The following LARP6 variants were observed in gnomAD, a reference collection of about 807,000 sequenced individuals.
LARP6 encodes the protein La ribonucleoprotein 6, translational regulator.
LARP6 carries 18 observed loss-of-function variants against 32.8 expected under a neutral mutation model. That is an observed-to-expected ratio of 0.55 (90% CI 0.38 to 0.81). The LOEUF is 0.81. Among genes scored for constraint, LARP6 ranks in the 40% least tolerant of loss-of-function variants. The pLI, the probability that LARP6 is intolerant of heterozygous loss-of-function variation, is 0.00. For synonymous variants in LARP6, 289 were observed against 267.2 expected (o/e 1.08, Z -0.80); for missense variants, 598 against 663.1 (o/e 0.90, Z 1.08).
chr15:70,847,436 C>T (rs533866599), intron 1 of LARP6, among the ~76,000 whole-genome samples: 2 of 151,612 alleles, frequency 1.3e-5, no homozygotes, highest in African/African-American at 2.4e-5. Flanking sequence ...GTGGCACTAT[C>T]TTGGCTCACT....
chr15:70,848,408 T>C (rs2032385999), intron 1 of LARP6, among the ~76,000 whole-genome samples: 2 of 152,138 alleles, frequency 1.3e-5, no homozygotes, highest in South Asian at 4.1e-4. Flanking sequence ...AGGCACTTAG[T>C]TCTACATCTG....
intron 2 of LARP6, among the ~76,000 whole-genome samples, chr15:70,834,227 A>G (rs1394025610): frequency 6.6e-6 from 1 of 152,202 alleles, no homozygotes; most frequent in East Asian, 1.9e-4. Context: ...TGGCAGACCC[A>G]TTACTATACA....
chr15:70,851,823 C>T (rs1441776248), intron 1 of LARP6: 23 of 1,567,956 alleles, frequency 1.5e-5, no homozygotes, highest in Non-Finnish European at 2.0e-5. Flanking sequence ...ACAGCCAGCT[C>T]TGGGGTGGGG....
chr15:70,852,639 C>T (rs1008031465), intron 1 of LARP6, among the ~76,000 whole-genome samples: 1 of 152,194 alleles, frequency 6.6e-6, no homozygotes, highest in African/African-American at 2.4e-5. Flanking sequence ...TTTTTATGCT[C>T]TCGGTACTTG....
chr15:70,842,585 C>A (rs1439690956), intron 1 of LARP6, among the ~76,000 whole-genome samples: 5 of 152,180 alleles, frequency 3.3e-5, no homozygotes, highest in African/African-American at 1.2e-4. Context: ...TGTCCACAAT[C>A]TAACTTCTCA....
At position 70,832,137 on chromosome 15, in the gene LARP6, A is replaced by G. The variant is rs775777957; in HGVS notation, c.1391T>C (p.Leu464Pro). 3.1e-6 allele frequency: 5 copies of G among 1,610,214 alleles called. No individual in the cohort carries two copies. Among genetic ancestry groups the G allele is most frequent in the Non-Finnish European group, 4.2e-6 (5 of 1,177,998 alleles). The change falls in exon 3 of 3, where the codon CTA becomes CCA. Residue 464 changes from leucine (L) to proline (P), a missense_variant. Coordinates refer to ENST00000299213, the MANE Select transcript of LARP6 (RefSeq NM_018357.4). ...LSRKMQTADG[L>P]PVGVLRLPRG... ...GGGCAACCTCAGCACCCCTACGGGTAGCCCATCTGCAGTCTGCATCTTCCG... is the reference window on the plus strand; with the variant it reads ...GGGCAACCTCAGCACCCCTACGGGTGGCCCATCTGCAGTCTGCATCTTCCG...
rs531366933 is a variant in LARP6, at chr15:70,848,603, G to A, written c.200+5286C>T. Among the ~76,000 whole-genome samples, 26 of 152,106 alleles carry A rather than the reference G, an allele frequency of 1.7e-4. No homozygotes were observed. The South Asian group carries it at 5.2e-3, about 30-fold the overall frequency. ...AAAAATTAGCCGGGCATGGTGGCAG[G>A]TGCCTGCAATCCCAGCTACTCGGGA... is the stretch of plus-strand genomic sequence containing the variant. On this transcript the variant is annotated intron_variant, in intron 1 of 2. Coordinates refer to ENST00000299213, the MANE Select transcript of LARP6 (RefSeq NM_018357.4).
chr15:70,843,955 CT>C (rs1463323456), intron 1 of LARP6, among the ~76,000 whole-genome samples: 2 of 139,560 alleles, frequency 1.4e-5, no homozygotes, highest in African/African-American at 5.4e-5. Flanking sequence ...CGCGCCCGAC[CT>C]TTTTTTCTTT....
chr15:70,832,985 G>A lies in LARP6; in HGVS notation c.543C>T (p.Leu181=). The change falls in exon 3 of 3, where the codon CTC becomes CTT. Residue 181 remains leucine (L), a synonymous_variant. Coordinates refer to ENST00000299213, the MANE Select transcript of LARP6 (RefSeq NM_018357.4). The part of the protein sequence containing the change: ...TPVPLFPNEN[L]PSKMLLVYDL... ...CATAGACCAGGAGCATCTTGCTGGG[G>A]AGGTTCTCGTTGGGGAACAGTGGGA... The A allele has an allele frequency of 6.2e-7, 1 of 1,612,138 alleles. No homozygotes were observed. Among genetic ancestry groups the A allele is most frequent in the South Asian group, 1.1e-5 (1 of 90,770 alleles).
intron 1 of LARP6, among the ~76,000 whole-genome samples, chr15:70,843,335 G>C (rs1435396372): frequency 6.6e-6 from 1 of 152,074 alleles, no homozygotes; most frequent in East Asian, 1.9e-4. Context: ...TAAAGTAATA[G>C]ATAAACATAG....
chr15:70,841,209 G>A (rs570452996), intron 1 of LARP6, among the ~76,000 whole-genome samples: 16 of 152,248 alleles, frequency 1.1e-4, no homozygotes, highest in South Asian at 8.3e-4. Flanking sequence ...CACCGCGCCC[G>A]GCCGGGCAGT....
At chr15:70,835,597 C>G (rs577165933) in intron 2 of LARP6, among the ~76,000 whole-genome samples, 12 of 152,206 alleles carry the variant, frequency 7.9e-5, no homozygotes, top group Non-Finnish European at 1.8e-4. Flanking sequence ...TTACGCATCC[C>G]GTTATGCAAC....
intron 2 of LARP6, among the ~76,000 whole-genome samples, chr15:70,835,284 T>C (rs796307929): frequency 1.3e-5 from 2 of 152,372 alleles, no homozygotes; most frequent in African/African-American, 4.8e-5. Flanking sequence ...TTCCCAATAA[T>C]ACTGTGTTCT....
At chr15:70,848,330 T>C (rs1249427563) in intron 1 of LARP6, among the ~76,000 whole-genome samples, 2 of 152,202 alleles carry the variant, frequency 1.3e-5, no homozygotes, top group Admixed American at 6.5e-5. Flanking sequence ...GAAAGGGATA[T>C]ACAACTAGTG....
rs1016370156 is a variant in LARP6 at position 70,832,311 on chromosome 15, C to G, written c.1217G>C (p.Cys406Ser). 6.2e-7 allele frequency: 1 copy of G among 1,614,132 alleles called. No individual in the cohort carries two copies. Residue 406 changes from cysteine (C) to serine (S), a missense_variant, in exon 3 of 3, where the codon TGC becomes TCC. Around this residue, in one of 3 missense-constraint regions of LARP6, gnomAD observed 368 missense variants for 397.9 expected, o/e 0.92. Coordinates refer to ENST00000299213, the MANE Select transcript of LARP6 (RefSeq NM_018357.4). Reference protein sequence around the residue: ...SPLAEEGRLNCSTSPEIFRKC... With the variant: ...SPLAEEGRLNSSTSPEIFRKC... ...GCGGAAGATCTCAGGGCTGGTGCTG[C>G]AGTTCAGTCTACCTTCCTCCGCCAG...
intron 1 of LARP6, among the ~76,000 whole-genome samples, chr15:70,848,003 T>C (rs1366954903): frequency 6.6e-6 from 1 of 152,158 alleles, no homozygotes; most frequent in Non-Finnish European, 1.5e-5. Context: ...GAGATTTCTT[T>C]TGACTCACCT....
intron 2 of LARP6, among the ~76,000 whole-genome samples, chr15:70,835,615 G>A (rs28408370): frequency 0.062 from 9,459 of 152,256 alleles, 394 homozygotes; most frequent in African/African-American, 0.11. Context: ...AACAGGCCGC[G>A]TAGTGCTTTT....
At chr15:70,834,426 T>C (rs892089060) in intron 2 of LARP6, among the ~76,000 whole-genome samples, 31 of 152,192 alleles carry the variant, frequency 2.0e-4, no homozygotes, top group African/African-American at 7.0e-4. Context: ...TGCGGGTGCG[T>C]GTGAGGCTGT....
In LARP6 at chr15:70,831,890, C is replaced by T. The variant is rs369918202; in HGVS notation, c.*162G>A. ...CTAGAAGGTGGTCTTCAAACCATGG[C>T]GTACCGATTTATGTATATTACAGAT... is the stretch of plus-strand genomic sequence containing the variant. On this transcript the variant is annotated 3_prime_UTR_variant, in exon 3 of 3. Transcript: ENST00000299213. The T allele has an allele frequency of 1.6e-3, 763 of 467,180 alleles. 5 individuals are homozygous for T. Among genetic ancestry groups the T allele is most frequent in the Non-Finnish European group, 2.2e-3 (607 of 270,416 alleles). 28.9% of individuals were successfully genotyped at this position (467,180 alleles called of 1,614,324 possible).
Sources: allele counts gnomAD v4.1 joint callset (sites outside exome capture counted in the v4.1 genomes callset), GRCh38; gene constraint gnomAD v4.1.1; regional missense constraint gnomAD v4.1.1; transcripts MANE v1.5; gene names NCBI Gene and HGNC (gene_info 2026-07-23, HGNC 2026-07-21).